The following PRUNE2 variants were observed in gnomAD, a reference collection of about 807,000 sequenced individuals.
PRUNE2 encodes protein prune homolog 2.
A neutral mutation model predicts 252.0 loss-of-function variants in PRUNE2; 164 were observed. That is an observed-to-expected ratio of 0.65 (90% CI 0.57 to 0.74). The LOEUF (loss-of-function observed/expected upper bound fraction) is 0.74, where lower values mean the gene tolerates loss of function less well. Ranked by LOEUF, PRUNE2 falls within the 30% of genes least tolerant of loss-of-function variation. PRUNE2 has a pLI of 0.00. For missense variants in PRUNE2, 3,495 were observed against 3,711.0 expected, an observed-to-expected ratio of 0.94 and a Z score of 1.51; for synonymous variants, 1,292 against 1,350.2, an observed-to-expected ratio of 0.96 and a Z score of 0.94.
In PRUNE2 at chr9:76,643,652, G is replaced by A. The variant is rs897175921; in HGVS notation, c.8728+1087C>T. Among the ~76,000 whole-genome samples the A allele has an allele frequency of 1.6e-4, 25 of 152,214 alleles. 1 individual carries two copies. Among genetic ancestry groups the A allele is most frequent in the Admixed American group, 7.2e-4 (11 of 15,282 alleles). The stretch of plus-strand genomic sequence containing the variant: ...GCATATTTCCATTTCAGGTCAAACA[G>A]TAAGGCAAGACAAAGAAAGGCCATG... On this transcript the variant is annotated intron_variant, in intron 12 of 18. Transcript: ENST00000376718.
At chr9:76,869,746 T>C (rs982013287) in intron 1 of PRUNE2, among the ~76,000 whole-genome samples, 1 of 152,222 alleles carries the variant, frequency 6.6e-6, no homozygotes, top group Non-Finnish European at 1.5e-5. Context: ...AAGTTTAAAG[T>C]ATTCTAAGCA....
intron 4 of PRUNE2, among the ~76,000 whole-genome samples, chr9:76,831,044 C>T (rs1301852068): frequency 6.6e-6 from 1 of 151,802 alleles, no homozygotes; most frequent in Non-Finnish European, 1.5e-5. Flanking sequence ...ATTCTCCTGC[C>T]TCAGTCTCCC....
At chr9:76,616,462 C>T (rs546047970) in intron 18 of PRUNE2, among the ~76,000 whole-genome samples, 14 of 152,164 alleles carry the variant, frequency 9.2e-5, no homozygotes, top group African/African-American at 2.7e-4. Context: ...CTAAAAACTG[C>T]GAGAGTGGGT....
rs1030665571 is a variant in PRUNE2 at position 76,705,720 on chromosome 9, G to C, written c.6554C>G (p.Ser2185Cys). Residue 2185 changes from serine to cysteine, a missense_variant, in exon 8 of 19, where the codon TCT (serine) becomes TGT (cysteine). Ser to Cys is a moderately radical substitution (Grantham distance 112, BLOSUM62 -1). Coordinates refer to ENST00000376718, the MANE Select transcript of PRUNE2 (RefSeq NM_015225.3). ...AGAAGGTTCAGGTGAACCTTTATGA[G>C]AGGCGGGCTGAGAGGAGCCCTTTAT... ...ADIKGSSQPA[S>C]HKGSPEPSEI... is the part of the protein sequence containing the mutation. 1 of 1,613,984 alleles carries C rather than the reference G, an allele frequency of 6.2e-7. No individual in the cohort carries two copies. Among genetic ancestry groups the C allele is most frequent in the Admixed American group, 1.7e-5 (1 of 60,032 alleles).
chr9:76,656,517 G>A (rs1849309275), intron 9 of PRUNE2, among the ~76,000 whole-genome samples: 1 of 152,104 alleles, frequency 6.6e-6, no homozygotes, highest in African/African-American at 2.4e-5. Flanking sequence ...AGTTTAATCT[G>A]CTTCTCCAGG....
intron 6 of PRUNE2, among the ~76,000 whole-genome samples, chr9:76,746,013 G>T (rs918865814): frequency 6.6e-6 from 1 of 152,214 alleles, no homozygotes; most frequent in Non-Finnish European, 1.5e-5. Context: ...TTTCTCTGAT[G>T]ATGAGACTTT....
At chr9:76,677,884 T>G (rs962464348) in intron 9 of PRUNE2, among the ~76,000 whole-genome samples, 1 of 152,068 alleles carries the variant, frequency 6.6e-6, no homozygotes, top group Non-Finnish European at 1.5e-5. Context: ...GAAGGAACAC[T>G]TCCCCCACAC....
intron 6 of PRUNE2, among the ~76,000 whole-genome samples, chr9:76,823,042 T>C (rs1002393785): frequency 6.6e-6 from 1 of 152,146 alleles, no homozygotes; most frequent in African/African-American, 2.4e-5. Context: ...GATTAACATA[T>C]AAGTCATTGA....
chr9:76,837,675 A>G (rs1270098170), intron 4 of PRUNE2, among the ~76,000 whole-genome samples: 1 of 151,722 alleles, frequency 6.6e-6, no homozygotes, highest in Non-Finnish European at 1.5e-5. Flanking sequence ...AGAAACTAGT[A>G]TATGTGTTTA....
At chr9:76,878,470 A>G (rs898468181) in intron 1 of PRUNE2, among the ~76,000 whole-genome samples, 9 of 152,238 alleles carry the variant, frequency 5.9e-5, no homozygotes, top group African/African-American at 2.2e-4. Flanking sequence ...CCCACTGTCC[A>G]GAGAGCTCTT....
chr9:76,720,945 C>G (rs918217910), intron 6 of PRUNE2, among the ~76,000 whole-genome samples: 1 of 152,014 alleles, frequency 6.6e-6, no homozygotes, highest in Non-Finnish European at 1.5e-5. Flanking sequence ...ACTAAAAATA[C>G]AAAAAATTAG....
chr9:76,896,179 C>T (rs1311231764), intron 1 of PRUNE2, among the ~76,000 whole-genome samples: 1 of 152,212 alleles, frequency 6.6e-6, no homozygotes, highest in East Asian at 1.9e-4. Context: ...CCTCCCTTTC[C>T]ATCATCCCCT....
intron 6 of PRUNE2, among the ~76,000 whole-genome samples, chr9:76,748,978 G>A (rs1233239220): frequency 9.9e-5 from 15 of 152,152 alleles, no homozygotes; most frequent in Admixed American, 5.2e-4. Flanking sequence ...CCCGACCTCC[G>A]TAAGCAAGGA....
In PRUNE2 at chr9:76,704,876, G is replaced by C. The variant is rs757219118; in HGVS notation, c.7398C>G (p.Ser2466=). 4.4e-6 allele frequency: 7 copies of C among 1,607,348 alleles called. No homozygotes were observed. Among genetic ancestry groups the C allele is most frequent in the South Asian group, 1.1e-5 (1 of 89,848 alleles). ...AVLHIREDPE[S]VYLPVGAGSN... ...AGCCTGCTCCTACCGGCAAATAAAC[G>C]GACTCAGGGTCTTCACGAATATGCA... Residue 2466 remains serine, a synonymous_variant, in exon 8 of 19, where the codon TCC becomes TCG. Transcript: ENST00000376718.
At chr9:76,619,437 C>T (rs1283056790) in intron 17 of PRUNE2, 50 bp from the exon 18 acceptor site, 11 of 1,323,042 alleles carry the variant, frequency 8.3e-6, no homozygotes, top group Non-Finnish European at 1.2e-5. Context: ...CCACTGTCAC[C>T]ACTGTGAAAG....
At chr9:76,902,610 G>A (rs1027489276) in intron 1 of PRUNE2, among the ~76,000 whole-genome samples, 8 of 152,282 alleles carry the variant, frequency 5.3e-5, no homozygotes, top group African/African-American at 1.9e-4. Context: ...AACAATCCTC[G>A]TGTCAATTCC....
At chr9:76,870,551 T>C (rs575465848) in intron 1 of PRUNE2, among the ~76,000 whole-genome samples, 55 of 151,962 alleles carry the variant, frequency 3.6e-4, no homozygotes, top group Non-Finnish European at 7.5e-4. Flanking sequence ...CTGGGCGTGG[T>C]AGCGGGTGCC....
rs1415345122 is a variant in PRUNE2, at chr9:76,705,008, C to T, written c.7266G>A (p.Leu2422=). Residue 2422 remains leucine (L), a synonymous_variant, in exon 8 of 19, where the codon CTG becomes CTA. Coordinates refer to ENST00000376718, the MANE Select transcript of PRUNE2 (RefSeq NM_015225.3). ...GCACTATCTCTGCTGCTCTGCATCC[C>T]AGAGATTCATCCTCTGGAGACCCAG... ...EEAGSPEDES[L]GCRAAEIVLS... The T allele has an allele frequency of 6.2e-7, 1 of 1,613,928 alleles. No individual in the cohort carries two copies. The highest frequency in any genetic ancestry group is 1.1e-5 in the South Asian group (1 of 91,082).
chr9:76,642,691 A>AT (rs1843081779), intron 12 of PRUNE2, among the ~76,000 whole-genome samples: 1 of 152,176 alleles, frequency 6.6e-6, no homozygotes, highest in African/African-American at 2.4e-5. Flanking sequence ...AAGTAAGGAG[A>AT]TTTTTCATCA....
Sources: gnomAD v4.1 joint callset for allele counts (sites outside exome capture counted in the v4.1 genomes callset) on GRCh38, gnomAD v4.1.1 for gene constraint, MANE v1.5 for transcripts, NCBI Gene and HGNC (gene_info 2026-07-23, HGNC 2026-07-21) for gene names.